The following ADARB1 variants were observed in gnomAD, a reference collection of about 807,000 sequenced individuals.
The protein encoded by ADARB1 is double-stranded RNA-specific editase 1.
ADARB1 carries 10 observed loss-of-function variants against 52.4 expected under a neutral mutation model. The ratio of observed to expected loss-of-function variants is 0.19; its 90% CI spans 0.12 to 0.32. The LOEUF (loss-of-function observed/expected upper bound fraction) is 0.32. Ranked by LOEUF, ADARB1 falls within the 10% of genes least tolerant of loss-of-function variation. The pLI is 1.00. For synonymous variants in ADARB1, 349 were observed against 371.1 expected, an observed-to-expected ratio of 0.94 and a Z score of 0.68; for missense variants, 643 against 922.3, an observed-to-expected ratio of 0.70 and a Z score of 3.92.
intron 2 of ADARB1, among the ~76,000 whole-genome samples, chr21:45,143,037 CT>C (rs1320242866): frequency 6.6e-6 from 1 of 152,210 alleles, no homozygotes; most frequent in Non-Finnish European, 1.5e-5. Flanking sequence ...AAACCTCAGT[CT>C]CCTTTACTGA....
At chr21:45,143,658 GT>G (rs1458477706) in intron 2 of ADARB1, among the ~76,000 whole-genome samples, 1 of 152,216 alleles carries the variant, frequency 6.6e-6, no homozygotes, top group African/African-American at 2.4e-5. Flanking sequence ...CTCACTCTCT[GT>G]TAACTGTGCT....
At chr21:45,122,050 A>G (rs1231895337) in intron 1 of ADARB1, among the ~76,000 whole-genome samples, 1 of 152,190 alleles carries the variant, frequency 6.6e-6, no homozygotes, top group East Asian at 1.9e-4. Flanking sequence ...CTTGACCTGT[A>G]CTTTACTTGC....
At chr21:45,158,622 A>G (rs2090796035) in intron 2 of ADARB1, among the ~76,000 whole-genome samples, 1 of 152,186 alleles carries the variant, frequency 6.6e-6, no homozygotes, top group South Asian at 2.1e-4. Context: ...CCCAGGGCTC[A>G]CAGGTCCCAT....
intron 1 of ADARB1, among the ~76,000 whole-genome samples, chr21:45,107,370 G>T (rs1376086535): frequency 6.6e-6 from 1 of 151,898 alleles, no homozygotes; most frequent in African/African-American, 2.4e-5. Context: ...TGGACATGTC[G>T]ATTCTAAAAT....
At chr21:45,189,706 G>C (rs1048812543) in intron 8 of ADARB1, among the ~76,000 whole-genome samples, 3 of 149,730 alleles carry the variant, frequency 2.0e-5, no homozygotes, top group African/African-American at 7.3e-5. Flanking sequence ...AGTTTTGCCA[G>C]ATCAAATATG....
At chr21:45,076,577 C>T (rs1235732123) in intron 1 of ADARB1, among the ~76,000 whole-genome samples, 1 of 152,196 alleles carries the variant, frequency 6.6e-6, no homozygotes. Context: ...ATTGATGACA[C>T]ATGTGTCTCT....
chr21:45,194,742 A>T (rs1427550061), intron 8 of ADARB1, among the ~76,000 whole-genome samples: 1 of 152,206 alleles, frequency 6.6e-6, no homozygotes, highest in African/African-American at 2.4e-5. Flanking sequence ...AGATTCTTTG[A>T]TGCCTTTTCA....
At position 45,158,503 on chromosome 21, in the gene ADARB1, T is replaced by C. The variant is rs191201354; in HGVS notation, c.-47-13107T>C. On this transcript the variant is annotated intron_variant, in intron 2 of 10. Transcript: ENST00000348831. ...GAATAAATGCCTTAGATTTGCAAAA[T>C]TGGGTCAGAGAGTTTAGGGATCTTT... Among the ~76,000 whole-genome samples the C allele has an allele frequency of 2.0e-5, 3 of 152,294 alleles. No homozygotes were observed. In the East Asian group the frequency reaches 5.8e-4, roughly 29 times the overall value.
chr21:45,085,936 C>T (rs987825175), intron 1 of ADARB1, among the ~76,000 whole-genome samples: 12 of 152,118 alleles, frequency 7.9e-5, no homozygotes, highest in African/African-American at 2.7e-4. Flanking sequence ...GCCATAGGCA[C>T]GTGTTATGTG....
chr21:45,143,115 C>CT (rs995188404), intron 2 of ADARB1, among the ~76,000 whole-genome samples: 3 of 152,196 alleles, frequency 2.0e-5, no homozygotes, highest in African/African-American at 7.2e-5. Flanking sequence ...GCTCAGCCGA[C>CT]TTTTCCTGTG....
intron 8 of ADARB1, among the ~76,000 whole-genome samples, chr21:45,189,895 C>T (rs2146255283): frequency 6.6e-6 from 1 of 152,214 alleles, no homozygotes; most frequent in East Asian, 1.9e-4. Flanking sequence ...TCACTTTAGA[C>T]AGTTTGATTA....
At chr21:45,173,359 G>A (rs773193551) in intron 3 of ADARB1, among the ~76,000 whole-genome samples, 2 of 152,132 alleles carry the variant, frequency 1.3e-5, no homozygotes, top group Non-Finnish European at 2.9e-5. Context: ...TGTGAAAGTG[G>A]CATCTTTCTC....
chr21:45,097,006 T>A (rs1257330269), intron 1 of ADARB1, among the ~76,000 whole-genome samples: 1 of 152,242 alleles, frequency 6.6e-6, no homozygotes, highest in African/African-American at 2.4e-5. Context: ...CCCAAAGTGC[T>A]AGGATTACAG....
intron 2 of ADARB1, among the ~76,000 whole-genome samples, chr21:45,140,027 T>C (rs2089634853): frequency 7.2e-6 from 1 of 139,166 alleles, no homozygotes; most frequent in African/African-American, 2.7e-5. Context: ...CACTGCAACC[T>C]CTGCCTTCCA....
chr21:45,220,839 T>G lies in ADARB1; in HGVS notation c.1751T>G (p.Ile584Ser). 1 of 1,612,692 alleles carries G rather than the reference T, an allele frequency of 6.2e-7. No individual in the cohort carries two copies. The highest frequency in any genetic ancestry group is 8.5e-7 in the Non-Finnish European group (1 of 1,179,430). ...CTTCCTGTGTCTTCCGTTTCAGGCA[T>G]CAGCAATGCAGAAGCACGGCAGCCA... Reference protein sequence around the residue: ...YTLNKPLLSGISNAEARQPGK... With the variant: ...YTLNKPLLSGSSNAEARQPGK... Residue 584 changes from isoleucine to serine, a missense_variant, in exon 10 of 11, where the codon ATC becomes AGC. Physicochemically the swap from Ile to Ser is moderately radical, Grantham distance 142. Around this residue, in one of 2 missense-constraint regions of ADARB1, gnomAD observed 263 missense variants for 475.8 expected, o/e 0.55. Coordinates refer to ENST00000348831, the MANE Select transcript of ADARB1 (RefSeq NM_001112.4). The surrounding 1 kb of genome is among the most constrained non-coding windows in gnomAD (Gnocchi z 6.3).
intron 8 of ADARB1, among the ~76,000 whole-genome samples, chr21:45,201,723 T>G (rs1039401462): frequency 1.3e-5 from 2 of 151,770 alleles, no homozygotes; most frequent in African/African-American, 4.8e-5. Context: ...TGCACTGGGG[T>G]AGGATGGGAG....
At chr21:45,177,961 A>G (rs1386854057) in intron 4 of ADARB1, among the ~76,000 whole-genome samples, 1 of 152,124 alleles carries the variant, frequency 6.6e-6, no homozygotes, top group East Asian at 1.9e-4. Context: ...GTCCATTTGT[A>G]CTTTAACAAA....
intron 8 of ADARB1, among the ~76,000 whole-genome samples, chr21:45,203,918 A>G (rs2092614775): frequency 6.6e-6 from 1 of 152,132 alleles, no homozygotes; most frequent in Admixed American, 6.5e-5. Flanking sequence ...GTACCTTCCT[A>G]TATAAAGTTT....
chr21:45,180,390 T>C lies in ADARB1; in HGVS notation c.1024T>C (p.Phe342Leu). The change falls in exon 5 of 11, where the codon TTC becomes CTC. Residue 342 changes from phenylalanine (F) to leucine (L), a missense_variant. By Grantham distance (22) the Phe-to-Leu change is conservative (BLOSUM62 0). Around this residue, in one of 2 missense-constraint regions of ADARB1, gnomAD observed 380 missense variants for 446.5 expected, o/e 0.85. Transcript: ENST00000348831. ...LGKFGDLTDN[F>L]SSPHARRKVL... ...TAAGTTTGGTGACCTGACCGACAACTTCTCCTCCCCTCACGCTCGCAGAAA... is the reference window on the plus strand; with the variant it reads ...TAAGTTTGGTGACCTGACCGACAACCTCTCCTCCCCTCACGCTCGCAGAAA... The C allele has an allele frequency of 6.2e-7, 1 of 1,614,168 alleles. No homozygotes were observed. Among genetic ancestry groups the C allele is most frequent in the Non-Finnish European group, 8.5e-7 (1 of 1,180,018 alleles).
Sources: allele counts gnomAD v4.1 joint callset (sites outside exome capture counted in the v4.1 genomes callset), GRCh38; gene constraint gnomAD v4.1.1; regional missense constraint gnomAD v4.1.1; non-coding constraint Gnocchi (gnomAD v3.1); transcripts MANE v1.5; gene names NCBI Gene and HGNC (gene_info 2026-07-23, HGNC 2026-07-21).